Variants in RC3H2 observed in about 807,000 individuals in gnomAD.
RC3H2 encodes the protein ring finger and CCCH-type domains 2, also known as roquin-2.
Under a neutral mutation model 133.3 loss-of-function variants are expected in RC3H2, and 31 were observed. The observed-to-expected ratio is 0.23, with a 90% CI of 0.17 to 0.31. RC3H2 has a LOEUF of 0.31. RC3H2 is among the 10% of genes least tolerant of loss of function. The pLI, the probability that RC3H2 is intolerant of heterozygous loss-of-function variation, is 1.00. For missense variants in RC3H2, 1,175 were observed against 1,437.2 expected, an observed-to-expected ratio of 0.82 and a Z score of 2.95; for synonymous variants, 517 against 502.2, an observed-to-expected ratio of 1.03 and a Z score of -0.40.
chr9:122,885,835 G>C (rs1247227476), intron 4 of RC3H2, among the ~76,000 whole-genome samples: 1 of 152,058 alleles, frequency 6.6e-6, no homozygotes, highest in African/African-American at 2.4e-5. Flanking sequence ...GGCAACACTA[G>C]CTGGCTGTCT....
In RC3H2 at chr9:122,846,757, T is replaced by C. The variant is rs1398305345; in HGVS notation, c.*2870A>G. 2 of 152,204 alleles carry C rather than the reference T, an allele frequency of 1.3e-5. No individual in the cohort carries two copies. The highest frequency in any genetic ancestry group is 6.5e-5 in the Admixed American group (1 of 15,282). The allele number at this position is 152,204 out of a possible 1,614,324, so 9.4% of individuals were successfully genotyped here. ...TTCCAAATTTGTACATCACATCTTGTTGGTAAAAAGGCCAAATGACGGGAA... is the reference window on the plus strand; with the variant it reads ...TTCCAAATTTGTACATCACATCTTGCTGGTAAAAAGGCCAAATGACGGGAA... On this transcript the variant is annotated 3_prime_UTR_variant, in exon 21 of 21. Coordinates refer to ENST00000357244, the MANE Select transcript of RC3H2 (RefSeq NM_001100588.3).
intron 9 of RC3H2, chr9:122,875,366 C>T (rs1831288815): frequency 1.9e-6 from 3 of 1,547,472 alleles, no homozygotes; most frequent in South Asian, 1.2e-5. Flanking sequence ...ACGGGGGTTA[C>T]ACTTATGTAA....
chr9:122,869,271 G>C (rs1189944197), intron 9 of RC3H2, among the ~76,000 whole-genome samples: 2 of 151,962 alleles, frequency 1.3e-5, no homozygotes, highest in South Asian at 2.1e-4. Flanking sequence ...TACATATTTG[G>C]TGTCATAATT....
chr9:122,883,152 A>G, intron 5 of RC3H2, 52 bp downstream of exon 5: 1 of 1,521,234 alleles, frequency 6.6e-7, no homozygotes, highest in South Asian at 1.2e-5. Context: ...GAATTTCAGG[A>G]AGTCTCTGTC....
rs924765146 is a variant in RC3H2 at position 122,849,530 on chromosome 9, A to T, written c.*97T>A. 3.1e-4 allele frequency: 130 copies of T among 416,762 alleles called. 3 individuals are homozygous for T. Among genetic ancestry groups the T allele is most frequent in the South Asian group, 5.3e-4 (5 of 9,470 alleles). The allele number at this position is 416,762 out of a possible 1,614,324, so 25.8% of individuals were successfully genotyped here. ...ATGCCCCCAGTAATATCTTTTTTTTAAAAAAAATATACATTATATAATATA... is the reference window on the plus strand; with the variant it reads ...ATGCCCCCAGTAATATCTTTTTTTTTAAAAAAATATACATTATATAATATA... On this transcript the variant is annotated 3_prime_UTR_variant, in exon 21 of 21. Coordinates refer to ENST00000357244, the MANE Select transcript of RC3H2 (RefSeq NM_001100588.3).
intron 4 of RC3H2, among the ~76,000 whole-genome samples, chr9:122,883,758 G>A (rs1831759272): frequency 6.6e-6 from 1 of 152,246 alleles, no homozygotes; most frequent in South Asian, 2.1e-4. Flanking sequence ...GAGGCAGGAC[G>A]ACTGTTTGAG....
chr9:122,881,171 A>T (rs1352711008), intron 5 of RC3H2, among the ~76,000 whole-genome samples: 1 of 152,178 alleles, frequency 6.6e-6, no homozygotes, highest in East Asian at 1.9e-4. Flanking sequence ...TGTGCACAAT[A>T]AACAGGAGTT....
chr9:122,888,960 C>G (rs1468346185), intron 4 of RC3H2, among the ~76,000 whole-genome samples: 5 of 152,180 alleles, frequency 3.3e-5, no homozygotes, highest in Non-Finnish European at 7.4e-5. Flanking sequence ...GAGTACCTCA[C>G]ACCCTTGCCA....
In RC3H2 at chr9:122,905,107, T is replaced by A; in HGVS notation, c.-68+3A>T. On this transcript the variant is annotated splice_donor_region_variant and intron_variant, in intron 1 of 20. Transcript: ENST00000357244. ...AGCCGCATCGTGCCCGCCCCCGCCCTACCTGAGGGGGCCCGGGCGGGGTCG... is the reference window on the plus strand; with the variant it reads ...AGCCGCATCGTGCCCGCCCCCGCCCAACCTGAGGGGGCCCGGGCGGGGTCG... 1.0e-6 allele frequency: 1 copy of A among 985,306 alleles called. No homozygotes were observed. Among genetic ancestry groups the A allele is most frequent in the Non-Finnish European group, 1.2e-6 (1 of 829,888 alleles). 61.0% of individuals were successfully genotyped at this position (985,306 alleles called of 1,614,324 possible).
intron 9 of RC3H2, chr9:122,875,191 C>A: frequency 2.6e-6 from 4 of 1,550,914 alleles, no homozygotes; most frequent in Non-Finnish European, 3.5e-6. Context: ...CTTCTCTAGG[C>A]ACTTCAAGTG....
At chr9:122,871,321 G>A (rs143786243) in intron 9 of RC3H2, among the ~76,000 whole-genome samples, 76 of 150,408 alleles carry the variant, frequency 5.1e-4, no homozygotes, top group Non-Finnish European at 6.5e-4. Flanking sequence ...TTTTTGAGAC[G>A]GAGTCTCGCT....
rs1830007399 is a variant in RC3H2 at position 122,851,222 on chromosome 9, A to G, written c.3239T>C (p.Leu1080Ser). ...DGQSEPIEEILDIQLGISSQN... is the reference protein window; with the variant it reads ...DGQSEPIEEISDIQLGISSQN... Reference sequence around the variant, plus strand: ...AGAACTGATACCAAGCTGTATGTCCAAGATCTCCTAAGAAAATAAAATGTT... The same window carrying G: ...AGAACTGATACCAAGCTGTATGTCCGAGATCTCCTAAGAAAATAAAATGTT... Residue 1080 changes from leucine to serine, a missense_variant, in exon 20 of 21, where the codon TTG becomes TCG. Physicochemically the swap from Leu to Ser is moderately radical, Grantham distance 145. Around this residue, in one of 8 missense-constraint regions of RC3H2, gnomAD observed 220 missense variants for 201.1 expected, o/e 1.09. Coordinates refer to ENST00000357244, the MANE Select transcript of RC3H2 (RefSeq NM_001100588.3). The G allele has an allele frequency of 6.2e-7, 1 of 1,613,908 alleles. No homozygotes were observed. Among genetic ancestry groups the G allele is most frequent in the South Asian group, 1.1e-5 (1 of 91,080 alleles).
chr9:122,847,298 T>C lies in RC3H2; in HGVS notation c.*2329A>G, dbSNP rs1354961535. On this transcript the variant is annotated 3_prime_UTR_variant, in exon 21 of 21. Transcript: ENST00000357244. ...ACACAAGATCAATTTATGTAGTATA[T>C]ATTCACCCTCAGAACGTGCTGAAGA... 1 of 152,150 alleles carries C rather than the reference T, an allele frequency of 6.6e-6. No homozygotes were observed. Among genetic ancestry groups the C allele is most frequent in the African/African-American group, 2.4e-5 (1 of 41,444 alleles). The allele number at this position is 152,150 out of a possible 1,614,324, so 9.4% of individuals were successfully genotyped here. A position where few individuals can be genotyped will look rare whatever the true frequency, so the allele number is the denominator to read the frequency against.
chr9:122,879,022 G>T (rs1174577109), intron 8 of RC3H2, among the ~76,000 whole-genome samples: 1 of 150,574 alleles, frequency 6.6e-6, no homozygotes, highest in African/African-American at 2.4e-5. Flanking sequence ...CTCCCAAAGT[G>T]CTGGGATTAC....
intron 18 of RC3H2, 155 bp downstream of exon 18, chr9:122,853,797 G>A: frequency 1.3e-6 from 2 of 1,483,556 alleles, no homozygotes; most frequent in Admixed American, 4.8e-5. Context: ...TAAGAAATCT[G>A]GGATTACAAT....
At chr9:122,851,791 A>T (rs1393228041) in intron 18 of RC3H2, among the ~76,000 whole-genome samples, 1 of 152,108 alleles carries the variant, frequency 6.6e-6, no homozygotes, top group African/African-American at 2.4e-5. Flanking sequence ...AGTCTGGTTC[A>T]CTCAGTGCTC....
chr9:122,852,880 G>A (rs1380057449), intron 18 of RC3H2, among the ~76,000 whole-genome samples: 5 of 152,214 alleles, frequency 3.3e-5, no homozygotes, highest in African/African-American at 1.2e-4. Context: ...TCTGGGAGGT[G>A]TGCCCAACAG....
chr9:122,873,256 CA>C (rs1239320715), intron 9 of RC3H2, among the ~76,000 whole-genome samples: 3 of 152,176 alleles, frequency 2.0e-5, no homozygotes, highest in Non-Finnish European at 2.9e-5. Context: ...ACAGTCACAT[CA>C]CCTACTTTTC....
rs576456335 is a variant in RC3H2, at chr9:122,880,145, A to G, written c.961-20T>C. 1 of 1,613,298 alleles carries G rather than the reference A, an allele frequency of 6.2e-7. No homozygotes were observed. Among genetic ancestry groups the G allele is most frequent in the South Asian group, 1.1e-5 (1 of 91,008 alleles). On this transcript the variant is annotated intron_variant, in intron 6 of 20. Coordinates refer to ENST00000357244, the MANE Select transcript of RC3H2 (RefSeq NM_001100588.3). ...CTGTAGCTAACAAACAGAAATGAGA[A>G]TGCTTTTTACTTTGGTTCTTATGAC...
Sources: allele counts gnomAD v4.1 joint callset (sites outside exome capture counted in the v4.1 genomes callset), GRCh38; gene constraint gnomAD v4.1.1; regional missense constraint gnomAD v4.1.1; transcripts MANE v1.5; gene names NCBI Gene and HGNC (gene_info 2026-07-23, HGNC 2026-07-21).